The following FOCAD variants were observed in gnomAD, a reference collection of about 807,000 sequenced individuals.
FOCAD encodes the protein KIAA1797.
Under a neutral mutation model 225.6 loss-of-function variants are expected in FOCAD, and 198 were observed. The observed-to-expected ratio is 0.88, with a 90% CI of 0.78 to 0.99. FOCAD has a LOEUF of 0.99. Among genes scored for constraint, FOCAD ranks in the 50% least tolerant of loss-of-function variants. The pLI is 0.00. For missense variants in FOCAD, 2,713 were observed against 2,123.6 expected, an observed-to-expected ratio of 1.28 and a Z score of -5.46; for synonymous variants, 897 against 755.0, an observed-to-expected ratio of 1.19 and a Z score of -3.08.
rs1158541493 is a variant in FOCAD, at chr9:20,795,390, T to C, written c.1455+5782T>C. On this transcript the variant is annotated intron_variant, in intron 11 of 43. Transcript: ENST00000338382. ...TTCCCTTATCACAGAAAGGCTCGTA[T>C]TGAGTTTAAAAAATTCACTTGTGTA... Among the ~76,000 whole-genome samples, 8 of 152,348 alleles carry C rather than the reference T, an allele frequency of 5.3e-5. No individual in the cohort carries two copies. In the East Asian group the frequency reaches 1.2e-3, roughly 22 times the overall value.
At chr9:20,925,595 A>G (rs1834862015) in intron 25 of FOCAD, among the ~76,000 whole-genome samples, 1 of 152,244 alleles carries the variant, frequency 6.6e-6, no homozygotes, top group African/African-American at 2.4e-5. Flanking sequence ...TGAAGATGTG[A>G]CAGCCTTGTT....
chr9:20,913,950 T>A (rs564530563), intron 23 of FOCAD, among the ~76,000 whole-genome samples: 2 of 151,976 alleles, frequency 1.3e-5, no homozygotes, highest in East Asian at 3.9e-4. Flanking sequence ...TATAAAGGAG[T>A]TAGGTCCCTA....
At chr9:20,908,384 T>C (rs1482232234) in intron 22 of FOCAD, among the ~76,000 whole-genome samples, 1 of 152,040 alleles carries the variant, frequency 6.6e-6, no homozygotes, top group Non-Finnish European at 1.5e-5. Context: ...TAAAACCTTT[T>C]TACAACCCAT....
At chr9:20,661,285 A>G (rs1821712629) in intron 2 of FOCAD, among the ~76,000 whole-genome samples, 1 of 152,208 alleles carries the variant, frequency 6.6e-6, no homozygotes, top group South Asian at 2.1e-4. Context: ...GACAGGAGAA[A>G]CATTGAAATT....
chr9:20,938,183 G>A (rs1836200492), intron 28 of FOCAD, among the ~76,000 whole-genome samples: 1 of 152,134 alleles, frequency 6.6e-6, no homozygotes, highest in Non-Finnish European at 1.5e-5. Flanking sequence ...GATTCCTCAG[G>A]GATCTGGAAC....
At chr9:20,825,146 C>CGTGTGTGTGTGT (rs10562859) in intron 15 of FOCAD, among the ~76,000 whole-genome samples, 42 of 139,078 alleles carry the variant, frequency 3.0e-4, no homozygotes, top group African/African-American at 3.5e-4. Flanking sequence ...TCAAGCTTTG[C>CGTGTGTGTGTGT]GTGTGTGTGT....
In FOCAD at chr9:20,942,879, A is replaced by G. The variant is rs920416808; in HGVS notation, c.3408-1748A>G. On this transcript the variant is annotated intron_variant, in intron 28 of 43. Transcript: ENST00000338382. ...TTAGCACAGGGTGCTGTGGGAGAGT[A>G]TTAAAGAGGCTCTCTGCTGGGCGAG... Among the ~76,000 whole-genome samples, 3 of 152,250 alleles carry G rather than the reference A, an allele frequency of 2.0e-5. No homozygotes were observed. The East Asian group carries it at 5.8e-4, about 29-fold the overall frequency.
chr9:20,702,832 T>G (rs1318246310), intron 1 of FOCAD, among the ~76,000 whole-genome samples: 1 of 152,214 alleles, frequency 6.6e-6, no homozygotes, highest in Non-Finnish European at 1.5e-5. Flanking sequence ...TGTGGAGTGC[T>G]TAGCACATAG....
At chr9:20,788,515 A>G (rs1479230942) in intron 10 of FOCAD, among the ~76,000 whole-genome samples, 1 of 152,224 alleles carries the variant, frequency 6.6e-6, no homozygotes, top group East Asian at 1.9e-4. Flanking sequence ...CTTAACTTTT[A>G]CTTTCCATCC....
intron 11 of FOCAD, among the ~76,000 whole-genome samples, chr9:20,813,337 T>G (rs1271682400): frequency 1.3e-5 from 2 of 152,156 alleles, no homozygotes; most frequent in Non-Finnish European, 2.9e-5. Context: ...ATGTGAATAT[T>G]TCCTCAAAAT....
At chr9:20,818,465 T>G (rs1285467851) in intron 11 of FOCAD, among the ~76,000 whole-genome samples, 1 of 152,150 alleles carries the variant, frequency 6.6e-6, no homozygotes, top group Non-Finnish European at 1.5e-5. Flanking sequence ...GACTTAATCC[T>G]ATATTTTCTT....
Position 20,982,422 on chromosome 9 carries a change from C to T in FOCAD, c.4704C>T (p.Ala1568=), listed in dbSNP as rs369821217. 2.3e-5 allele frequency: 37 copies of T among 1,613,500 alleles called. No individual in the cohort carries two copies. The highest frequency in any genetic ancestry group is 2.9e-5 in the Non-Finnish European group (34 of 1,179,644). ...KCLLEMTDDD[A]NRIAQVTKSN... ...TCTTAGAAATGACAGATGATGATGC[C>T]AATCGGATCGCCCAGGTTACTAAGG... Residue 1568 remains alanine (A), a synonymous_variant, in exon 39 of 44, where the codon GCC becomes GCT. Transcript: ENST00000338382.
chr9:20,862,357 A>G (rs1828850189), intron 15 of FOCAD, among the ~76,000 whole-genome samples: 1 of 152,096 alleles, frequency 6.6e-6, no homozygotes, highest in Non-Finnish European at 1.5e-5. Context: ...ACTAAAAACG[A>G]AGTAGTAAAA....
chr9:20,854,421 A>C (rs1827964265), intron 15 of FOCAD, among the ~76,000 whole-genome samples: 3 of 151,734 alleles, frequency 2.0e-5, no homozygotes, highest in African/African-American at 7.2e-5. Context: ...AGGTGTTACT[A>C]GTATTATTTC....
intron 23 of FOCAD, among the ~76,000 whole-genome samples, chr9:20,916,675 C>T (rs529574034): frequency 1.3e-5 from 2 of 152,308 alleles, no homozygotes; most frequent in Admixed American, 1.3e-4. Context: ...ATATTCACCT[C>T]CTCCTTGCCT....
intron 2 of FOCAD, among the ~76,000 whole-genome samples, chr9:20,660,403 A>G (rs1458287326): frequency 6.6e-6 from 1 of 152,314 alleles, no homozygotes; most frequent in African/African-American, 2.4e-5. Context: ...TCAGGCTATG[A>G]GCCCATACAG....
intron 15 of FOCAD, among the ~76,000 whole-genome samples, chr9:20,853,429 A>G (rs1827865026): frequency 6.6e-6 from 1 of 151,840 alleles, no homozygotes; most frequent in African/African-American, 2.4e-5. Flanking sequence ...TATTAGAATT[A>G]TAAGTATGTA....
chr9:20,816,489 A>G (rs1022245559), intron 11 of FOCAD, among the ~76,000 whole-genome samples: 6 of 152,054 alleles, frequency 3.9e-5, no homozygotes, highest in African/African-American at 1.4e-4. Context: ...AACATCATAC[A>G]TTTTGGCTGT....
chr9:20,786,324 T>TA (rs1280421257), intron 10 of FOCAD, among the ~76,000 whole-genome samples: 1 of 152,220 alleles, frequency 6.6e-6, no homozygotes, highest in Non-Finnish European at 1.5e-5. Context: ...TAGTAAGTCT[T>TA]AGATGTTGTG....
Sources: allele counts gnomAD v4.1 joint callset (sites outside exome capture counted in the v4.1 genomes callset), GRCh38; gene constraint gnomAD v4.1.1; transcripts MANE v1.5; gene names NCBI Gene and HGNC (gene_info 2026-07-23, HGNC 2026-07-21).